Variants in CAMK2D observed in about 807,000 individuals in gnomAD.
CAMK2D encodes calcium/calmodulin dependent protein kinase II delta, also known as calcium/calmodulin-dependent protein kinase type II subunit delta.
Under a neutral mutation model 84.0 loss-of-function variants are expected in CAMK2D, and 37 were observed. The observed-to-expected ratio is 0.44, with a 90% CI of 0.34 to 0.58. The LOEUF (loss-of-function observed/expected upper bound fraction) is 0.58, where lower values mean the gene tolerates loss of function less well. CAMK2D is among the 20% of genes least tolerant of loss of function. The pLI, the probability that CAMK2D is intolerant of heterozygous loss-of-function variation, is 0.02. For missense variants in CAMK2D, 448 were observed against 652.5 expected, an observed-to-expected ratio of 0.69 and a Z score of 3.41; for synonymous variants, 202 against 212.5, an observed-to-expected ratio of 0.95 and a Z score of 0.43.
chr4:113,686,358 A>T (rs1254865620), intron 2 of CAMK2D, among the ~76,000 whole-genome samples: 1 of 152,202 alleles, frequency 6.6e-6, no homozygotes, highest in African/African-American at 2.4e-5. Flanking sequence ...TATTGTTTAC[A>T]TATCTGAAAA....
At chr4:113,660,163 C>T (rs950904048) in intron 3 of CAMK2D, among the ~76,000 whole-genome samples, 6 of 152,134 alleles carry the variant, frequency 3.9e-5, no homozygotes, top group African/African-American at 1.4e-4. Context: ...CTTAGGTTAA[C>T]AATAAAATTG....
At chr4:113,509,110 G>C (rs890678707) in intron 13 of CAMK2D, among the ~76,000 whole-genome samples, 2 of 152,082 alleles carry the variant, frequency 1.3e-5, no homozygotes, top group African/African-American at 4.8e-5. Context: ...TATTTGTTCA[G>C]ATCATTCATC....
Position 113,582,220 on chromosome 4 carries a change from G to A in CAMK2D, c.275+26932C>T, listed in dbSNP as rs182150109. Among the ~76,000 whole-genome samples the A allele has an allele frequency of 1.3e-3, 193 of 152,228 alleles. 1 individual carries two copies. Among genetic ancestry groups the A allele is most frequent in the Non-Finnish European group, 2.3e-3 (158 of 68,004 alleles). ...TAGGTCAGAATCATGTGACATGTAG[G>A]GTGGCCCACCCACATAGGGTGTGCG... On this transcript the variant is annotated intron_variant, in intron 4 of 20. Transcript: ENST00000511664.
chr4:113,480,240 G>A (rs1356790228), intron 16 of CAMK2D, among the ~76,000 whole-genome samples: 1 of 152,160 alleles, frequency 6.6e-6, no homozygotes, highest in Non-Finnish European at 1.5e-5. Context: ...TAGAATTACA[G>A]GCGTGAACTA....
chr4:113,632,000 G>A (rs2099091697), intron 3 of CAMK2D, among the ~76,000 whole-genome samples: 2 of 152,282 alleles, frequency 1.3e-5, no homozygotes, highest in Middle Eastern at 3.4e-3. Flanking sequence ...GTATTATGTA[G>A]AATTGGGAAA....
intron 4 of CAMK2D, among the ~76,000 whole-genome samples, chr4:113,597,603 C>T (rs60176758): frequency 0.13 from 20,007 of 152,216 alleles, 1,484 homozygotes; most frequent in Non-Finnish European, 0.17. Context: ...AAAGCTTTCT[C>T]CATATTAGCA....
intron 3 of CAMK2D, among the ~76,000 whole-genome samples, chr4:113,618,464 C>A (rs547872344): frequency 1.2e-3 from 189 of 152,224 alleles, no homozygotes; most frequent in African/African-American, 4.3e-3. Context: ...GACTCATTAG[C>A]CCAAATGCTC....
At chr4:113,521,553 TAC>T (rs2098359188) in intron 8 of CAMK2D, among the ~76,000 whole-genome samples, 2 of 152,112 alleles carry the variant, frequency 1.3e-5, no homozygotes, top group Admixed American at 6.5e-5. Context: ...GTCTTGGAGC[TAC>T]AGTTTTCTTT....
chr4:113,528,022 C>T (rs1348119429), intron 8 of CAMK2D, among the ~76,000 whole-genome samples: 2 of 151,728 alleles, frequency 1.3e-5, no homozygotes, highest in African/African-American at 4.8e-5. Flanking sequence ...ACACCTTTTA[C>T]AAAATAAAAC....
At chr4:113,569,247 A>C (rs1051611584) in intron 4 of CAMK2D, among the ~76,000 whole-genome samples, 2 of 152,124 alleles carry the variant, frequency 1.3e-5, no homozygotes, top group Non-Finnish European at 2.9e-5. Flanking sequence ...GATGAGGTTC[A>C]ATGTATCTAT....
chr4:113,580,094 A>C (rs2098800978), intron 4 of CAMK2D, among the ~76,000 whole-genome samples: 1 of 152,198 alleles, frequency 6.6e-6, no homozygotes, highest in Non-Finnish European at 1.5e-5. Context: ...TCTAAACAAA[A>C]GTGTAATCCC....
intron 2 of CAMK2D, among the ~76,000 whole-genome samples, chr4:113,697,874 T>G (rs2099407487): frequency 6.6e-6 from 1 of 152,104 alleles, no homozygotes; most frequent in Admixed American, 6.6e-5. Context: ...CCTTCTTCCT[T>G]TCTGCTCACA....
At chr4:113,632,579 A>G (rs2099094322) in intron 3 of CAMK2D, among the ~76,000 whole-genome samples, 1 of 151,950 alleles carries the variant, frequency 6.6e-6, no homozygotes, top group African/African-American at 2.4e-5. Flanking sequence ...GATACCCCAT[A>G]GAGAGATACT....
At chr4:113,707,353 G>C (rs906766675) in intron 2 of CAMK2D, among the ~76,000 whole-genome samples, 1 of 152,148 alleles carries the variant, frequency 6.6e-6, no homozygotes, top group Admixed American at 6.5e-5. Flanking sequence ...CAAGGAGTCA[G>C]GCTGTGAAGA....
intron 16 of CAMK2D, among the ~76,000 whole-genome samples, chr4:113,499,994 G>T (rs2098010802): frequency 6.6e-6 from 1 of 150,892 alleles, no homozygotes; most frequent in Non-Finnish European, 1.5e-5. Flanking sequence ...AAAAAGCTAG[G>T]ATAAAAAGGC....
chr4:113,577,398 T>C (rs1405382413), intron 4 of CAMK2D, among the ~76,000 whole-genome samples: 3 of 152,208 alleles, frequency 2.0e-5, no homozygotes, highest in East Asian at 3.8e-4. Flanking sequence ...ATTACCCTTA[T>C]GTTGAATTAG....
At chr4:113,740,567 T>G (rs1050938745) in intron 2 of CAMK2D, among the ~76,000 whole-genome samples, 1 of 151,996 alleles carries the variant, frequency 6.6e-6, no homozygotes, top group African/African-American at 2.4e-5. Context: ...GACTCTTGAT[T>G]TCCCATTCCA....
chr4:113,579,431 A>G (rs2098798329), intron 4 of CAMK2D, among the ~76,000 whole-genome samples: 1 of 152,150 alleles, frequency 6.6e-6, no homozygotes, highest in African/African-American at 2.4e-5. Context: ...GCATAGTGGG[A>G]GGTGTTTGGG....
chr4:113,723,908 T>C (rs144957726), intron 2 of CAMK2D, among the ~76,000 whole-genome samples: 79 of 152,284 alleles, frequency 5.2e-4, no homozygotes, highest in African/African-American at 1.8e-3. Flanking sequence ...ATTTACTTTT[T>C]CTTTATGAAG....
Sources: gnomAD v4.1 joint callset for allele counts (sites outside exome capture counted in the v4.1 genomes callset) on GRCh38, gnomAD v4.1.1 for gene constraint, MANE v1.5 for transcripts, NCBI Gene and HGNC (gene_info 2026-07-23, HGNC 2026-07-21) for gene names.